PTPRD: variants seen among roughly 807,000 people sequenced by gnomAD.
PTPRD encodes the protein receptor-type tyrosine-protein phosphatase delta.
A neutral mutation model predicts 214.5 loss-of-function variants in PTPRD; 34 were observed. The observed-to-expected ratio is 0.16, with a 90% CI of 0.12 to 0.21. The LOEUF (loss-of-function observed/expected upper bound fraction) is 0.21, where lower values mean the gene tolerates loss of function less well. Among genes scored for constraint, PTPRD ranks in the 10% least tolerant of loss-of-function variants. The pLI, the probability that PTPRD is intolerant of heterozygous loss-of-function variation, is 1.00. For synonymous variants in PTPRD, 1,128 were observed against 845.7 expected, an observed-to-expected ratio of 1.33 and a Z score of -5.79; for missense variants, 2,545 against 2,398.7, an observed-to-expected ratio of 1.06 and a Z score of -1.27.
At chr9:9,157,500 A>G (rs1029935451) in intron 10 of PTPRD, among the ~76,000 whole-genome samples, 2 of 152,126 alleles carry the variant, frequency 1.3e-5, no homozygotes, top group Non-Finnish European at 2.9e-5. Flanking sequence ...TGTATGTCAA[A>G]AAATTGGACA....
At chr9:10,043,348 A>C (rs1381112689) in intron 3 of PTPRD, among the ~76,000 whole-genome samples, 1 of 151,922 alleles carries the variant, frequency 6.6e-6, no homozygotes, top group Non-Finnish European at 1.5e-5. Flanking sequence ...GATGCTTGAT[A>C]AAGAAAGCCA....
At chr9:9,013,460 A>T (rs944453740) in intron 11 of PTPRD, among the ~76,000 whole-genome samples, 31 of 152,188 alleles carry the variant, frequency 2.0e-4, no homozygotes, top group Admixed American at 2.0e-3. Context: ...ATGTTTGGTA[A>T]CAGTCCATGT....
At chr9:9,269,011 G>T (rs1941563148) in intron 9 of PTPRD, among the ~76,000 whole-genome samples, 1 of 150,420 alleles carries the variant, frequency 6.6e-6, no homozygotes, top group African/African-American at 2.4e-5. Flanking sequence ...TAAACAACTG[G>T]AAACACATCA....
chr9:9,627,649 A>AT lies in PTPRD; in HGVS notation c.-286-52869dup, dbSNP rs1349850503. On this transcript the variant is annotated intron_variant, in intron 7 of 45. Transcript: ENST00000381196. Reference sequence around the variant, plus strand: ...ATTGTTGAATAGCTGAATTCTTCCTATTTTTTCTAATAAAGACTAATAGGA... The same window carrying AT: ...ATTGTTGAATAGCTGAATTCTTCCTATTTTTTTCTAATAAAGACTAATAGGA... Among the ~76,000 whole-genome samples, 8 of 152,242 alleles carry AT rather than the reference A, an allele frequency of 5.3e-5. No homozygotes were observed. In the South Asian group the frequency reaches 1.0e-3, roughly 20 times the overall value.
At chr9:8,912,764 T>C (rs2098757038) in intron 11 of PTPRD, among the ~76,000 whole-genome samples, 1 of 152,196 alleles carries the variant, frequency 6.6e-6, no homozygotes, top group South Asian at 2.1e-4. Context: ...AAATTAAGTG[T>C]GGAGCTAAAT....
chr9:9,951,181 T>G (rs954857703), intron 4 of PTPRD, among the ~76,000 whole-genome samples: 1 of 152,116 alleles, frequency 6.6e-6, no homozygotes, highest in Non-Finnish European at 1.5e-5. Context: ...AACTATGAGG[T>G]CTAGCTTCTA....
intron 10 of PTPRD, among the ~76,000 whole-genome samples, chr9:9,108,131 C>T (rs1392535407): frequency 6.6e-6 from 1 of 152,096 alleles, no homozygotes; most frequent in Non-Finnish European, 1.5e-5. Context: ...ATTTCCAAGC[C>T]TGCAGCATCA....
At chr9:9,308,652 T>C (rs1267914688) in intron 9 of PTPRD, among the ~76,000 whole-genome samples, 3 of 152,186 alleles carry the variant, frequency 2.0e-5, no homozygotes, top group East Asian at 3.9e-4. Context: ...CCAAAATGGA[T>C]TGAAAGTAGC....
chr9:9,822,674 C>T (rs2051206679), intron 5 of PTPRD, among the ~76,000 whole-genome samples: 2 of 151,790 alleles, frequency 1.3e-5, no homozygotes, highest in Admixed American at 1.3e-4. Context: ...AACATATCTT[C>T]ATAACAGAAA....
At chr9:9,294,409 T>A (rs1952280235) in intron 9 of PTPRD, among the ~76,000 whole-genome samples, 1 of 151,740 alleles carries the variant, frequency 6.6e-6, no homozygotes, top group Non-Finnish European at 1.5e-5. Flanking sequence ...ATGTGGCTCC[T>A]TGTTATGGAT....
intron 14 of PTPRD, among the ~76,000 whole-genome samples, chr9:8,537,387 C>T (rs543902211): frequency 5.9e-5 from 9 of 151,850 alleles, no homozygotes; most frequent in East Asian, 3.9e-4. Context: ...ATGGAACATA[C>T]GATAAATATA....
At chr9:8,506,182 T>G (rs2097539535) in intron 22 of PTPRD, among the ~76,000 whole-genome samples, 1 of 152,192 alleles carries the variant, frequency 6.6e-6, no homozygotes, top group South Asian at 2.1e-4. Flanking sequence ...AGTAGTTCAT[T>G]TAGCATGTGA....
chr9:10,091,134 T>A (rs1028330370), intron 3 of PTPRD, among the ~76,000 whole-genome samples: 1 of 151,500 alleles, frequency 6.6e-6, no homozygotes, highest in Non-Finnish European at 1.5e-5. Flanking sequence ...TAAAAATGCA[T>A]AGATTATAAA....
At chr9:10,602,129 G>A (rs759268935) in intron 2 of PTPRD, among the ~76,000 whole-genome samples, 8 of 151,568 alleles carry the variant, frequency 5.3e-5, no homozygotes, top group Non-Finnish European at 1.0e-4. Flanking sequence ...GTAGGGAAAC[G>A]CAATTTTGTA....
Position 9,949,585 on chromosome 9 carries a change from C to A in PTPRD, c.-471-10975G>T, listed in dbSNP as rs1157317374. On this transcript the variant is annotated intron_variant, in intron 4 of 45. Transcript: ENST00000381196. Reference sequence around the variant, plus strand: ...ATACCAAAGGGAAAAATCATACGACCTAGGTTAAGCCAATCACTACATCCA... The same window carrying A: ...ATACCAAAGGGAAAAATCATACGACATAGGTTAAGCCAATCACTACATCCA... 6.6e-5 allele frequency among the ~76,000 whole-genome samples: 10 copies of A among 152,198 alleles called. No homozygotes were observed. The East Asian group carries it at 1.2e-3, about 18-fold the overall frequency.
At chr9:10,444,516 A>C (rs78350978) in intron 2 of PTPRD, among the ~76,000 whole-genome samples, 1 of 151,932 alleles carries the variant, frequency 6.6e-6, no homozygotes, top group Non-Finnish European at 1.5e-5. Flanking sequence ...ATATTATTCT[A>C]CTTTAACTCC....
chr9:9,823,391 T>C (rs909106520), intron 5 of PTPRD, among the ~76,000 whole-genome samples: 2 of 151,912 alleles, frequency 1.3e-5, no homozygotes, highest in South Asian at 2.1e-4. Context: ...GAACTTACTA[T>C]TGCAAAGACA....
At chr9:9,987,487 C>T (rs1478744374) in intron 4 of PTPRD, among the ~76,000 whole-genome samples, 1 of 152,118 alleles carries the variant, frequency 6.6e-6, no homozygotes, top group African/African-American at 2.4e-5. Context: ...AGAGAAACTC[C>T]TGTTTCTAAA....
At chr9:10,020,452 G>A (rs924451107) in intron 4 of PTPRD, among the ~76,000 whole-genome samples, 393 of 114,356 alleles carry the variant, frequency 3.4e-3, no homozygotes, top group African/African-American at 0.011. Flanking sequence ...CAGGTGTGCC[G>A]CCATCACACC....
Sources: allele counts gnomAD v4.1 joint callset (sites outside exome capture counted in the v4.1 genomes callset), GRCh38; gene constraint gnomAD v4.1.1; transcripts MANE v1.5; gene names NCBI Gene and HGNC (gene_info 2026-07-23, HGNC 2026-07-21).